The following PSPH variants were observed in gnomAD, a reference collection of about 807,000 sequenced individuals.
PSPH encodes phosphoserine phosphatase.
A neutral mutation model predicts 23.4 loss-of-function variants in PSPH; 16 were observed. The observed-to-expected ratio is 0.68, with a 90% CI of 0.46 to 1.04. The LOEUF (loss-of-function observed/expected upper bound fraction) is 1.04, where lower values mean the gene tolerates loss of function less well. Among genes scored for constraint, PSPH ranks in the 50% least tolerant of loss-of-function variants. The pLI is 0.00. For missense variants in PSPH, 223 were observed against 273.7 expected, an observed-to-expected ratio of 0.81 and a Z score of 1.31; for synonymous variants, 68 against 99.7, an observed-to-expected ratio of 0.68 and a Z score of 1.89.
intron 6 of PSPH, among the ~76,000 whole-genome samples, chr7:56,016,556 C>A (rs1004353510): frequency 3.3e-5 from 5 of 150,714 alleles, no homozygotes; most frequent in African/African-American, 4.9e-5. Flanking sequence ...ACAAAAGTCT[C>A]CCTTCTAAAG....
intron 1 of PSPH, among the ~76,000 whole-genome samples, chr7:56,047,939 T>C (rs1793475373): frequency 1.3e-5 from 2 of 152,036 alleles, no homozygotes; most frequent in East Asian, 3.9e-4. Flanking sequence ...GTGCTGGGAT[T>C]ACAGTTGTGA....
At chr7:56,039,184 A>G (rs1792151359) in intron 1 of PSPH, among the ~76,000 whole-genome samples, 1 of 151,848 alleles carries the variant, frequency 6.6e-6, no homozygotes. Flanking sequence ...CATATATAAG[A>G]ATTCTCACAG....
intron 1 of PSPH, among the ~76,000 whole-genome samples, chr7:56,049,750 ATTATTT>A (rs765671767): frequency 9.6e-5 from 14 of 146,446 alleles, no homozygotes; most frequent in Non-Finnish European, 1.6e-4. Flanking sequence ...TATTATTATT[ATTATTT>A]TTTTTGAGGA....
intron 1 of PSPH, among the ~76,000 whole-genome samples, chr7:56,039,700 C>A (rs536400797): frequency 2.7e-5 from 4 of 147,014 alleles, no homozygotes; most frequent in Non-Finnish European, 5.9e-5. Flanking sequence ...CGCTTGAACC[C>A]AGGAAGTGGA....
At chr7:56,039,424 ATC>A (rs1279317246) in intron 1 of PSPH, among the ~76,000 whole-genome samples, 1 of 152,120 alleles carries the variant, frequency 6.6e-6, no homozygotes, top group African/African-American at 2.4e-5. Context: ...TGCTTTTTAT[ATC>A]TGTGTGTATA....
chr7:56,017,716 C>CT (rs35860273), intron 5 of PSPH, among the ~76,000 whole-genome samples: 37,428 of 82,090 alleles, frequency 0.46, 11,444 homozygotes, highest in Non-Finnish European at 0.56. Flanking sequence ...CACCCAGTTA[C>CT]TTTTTTTTTT....
At chr7:56,046,632 A>C (rs1793281031) in intron 1 of PSPH, among the ~76,000 whole-genome samples, 1 of 151,908 alleles carries the variant, frequency 6.6e-6, no homozygotes, top group Admixed American at 6.6e-5. Flanking sequence ...AAACATACAC[A>C]AATTAGCTGG....
Position 56,011,658 on chromosome 7 carries a change from C to T in PSPH, c.*104G>A. ...TTAAAGTACAGATCATTTGTACCAA[C>T]TTTCTATAGCAAGTTGTAATAGGCA... On this transcript the variant is annotated 3_prime_UTR_variant, in exon 8 of 8. Transcript: ENST00000275605. 1 of 834,182 alleles carries T rather than the reference C, an allele frequency of 1.2e-6. No individual in the cohort carries two copies. Among genetic ancestry groups the T allele is most frequent in the Non-Finnish European group, 2.0e-6 (1 of 505,212 alleles). The allele number at this position is 834,182 out of a possible 1,614,324, so 51.7% of individuals were successfully genotyped here. A position where few individuals can be genotyped will look rare whatever the true frequency, so the allele number is the denominator to read the frequency against.
intron 2 of PSPH, chr7:56,033,509 A>T (rs950986363): frequency 2.0e-5 from 3 of 151,068 alleles, no homozygotes; most frequent in African/African-American, 4.8e-5. Flanking sequence ...AAAAAAAAAA[A>T]ATAAATAAAA....
chr7:56,046,808 A>AG, intron 1 of PSPH, among the ~76,000 whole-genome samples: 1 of 151,818 alleles, frequency 6.6e-6, no homozygotes, highest in East Asian at 1.9e-4. Context: ...CAAAAAAAAA[A>AG]AAAAAAAAAG....
intron 1 of PSPH, among the ~76,000 whole-genome samples, chr7:56,035,964 C>T (rs1161530181): frequency 6.6e-6 from 1 of 151,822 alleles, no homozygotes; most frequent in African/African-American, 2.4e-5. Flanking sequence ...CACCTTGGCT[C>T]ACGCCTGTAA....
chr7:56,038,291 C>CAAAAAAAAAA (rs34887035), intron 1 of PSPH, among the ~76,000 whole-genome samples: 2 of 127,186 alleles, frequency 1.6e-5, no homozygotes, highest in African/African-American at 2.9e-5. Flanking sequence ...ACAAAAAATA[C>CAAAAAAAAAA]AAAAAAAAAA....
At chr7:56,040,158 A>G (rs1265915616) in intron 1 of PSPH, among the ~76,000 whole-genome samples, 1 of 152,154 alleles carries the variant, frequency 6.6e-6, no homozygotes, top group African/African-American at 2.4e-5. Context: ...CACAGTGAAC[A>G]CAGTTTGAAA....
At chr7:56,018,926 T>C (rs1479549648) in intron 5 of PSPH, among the ~76,000 whole-genome samples, 1 of 151,440 alleles carries the variant, frequency 6.6e-6, no homozygotes, top group African/African-American at 2.4e-5. Context: ...GCTCTATTCA[T>C]GCCACTGCAC....
chr7:56,024,940 A>C (rs932075245), intron 3 of PSPH, among the ~76,000 whole-genome samples: 1 of 150,724 alleles, frequency 6.6e-6, no homozygotes, highest in African/African-American at 2.4e-5. Context: ...AGTAGCTAGG[A>C]TTATAGGTGC....
At chr7:56,014,826 C>T (rs1270903876) in intron 7 of PSPH, among the ~76,000 whole-genome samples, 197 bp downstream of exon 7, 2 of 152,032 alleles carry the variant, frequency 1.3e-5, no homozygotes, top group Non-Finnish European at 2.9e-5. Context: ...GCCTGTAATC[C>T]CAGCTACTTG....
intron 1 of PSPH, among the ~76,000 whole-genome samples, chr7:56,046,332 T>A (rs908143925): frequency 6.6e-6 from 1 of 152,010 alleles, no homozygotes; most frequent in African/African-American, 2.4e-5. Flanking sequence ...GAGACGGGGT[T>A]TCTCCATGAT....
chr7:56,015,314 C>T (rs886990565), intron 6 of PSPH, 143 bp from the exon 7 acceptor site: 2 of 807,198 alleles, frequency 2.5e-6, no homozygotes, highest in African/African-American at 1.7e-5. Flanking sequence ...CCTGGAGCTC[C>T]ACACCTGTTC....
At chr7:56,049,225 C>T (rs562982632) in intron 1 of PSPH, among the ~76,000 whole-genome samples, 16 of 151,462 alleles carry the variant, frequency 1.1e-4, no homozygotes, top group Non-Finnish European at 2.4e-4. Flanking sequence ...CGTCCAGCCC[C>T]CATCCTCTAA....
Sources: allele counts gnomAD v4.1 joint callset (sites outside exome capture counted in the v4.1 genomes callset), GRCh38; gene constraint gnomAD v4.1.1; transcripts MANE v1.5; gene names NCBI Gene and HGNC (gene_info 2026-07-23, HGNC 2026-07-21).